SEMA5A: variants seen among roughly 807,000 people sequenced by gnomAD.
SEMA5A encodes the protein semaphorin 5A, also known as semaphorin-5A.
Under a neutral mutation model 135.5 loss-of-function variants are expected in SEMA5A, and 55 were observed. The ratio of observed to expected loss-of-function variants is 0.41; its 90% confidence interval spans 0.33 to 0.51. The LOEUF is 0.51. Ranked by LOEUF, SEMA5A falls within the 20% of genes least tolerant of loss-of-function variation. The probability of loss-of-function intolerance (pLI) is 0.37; values close to 1 mark genes in which losing one functional copy is unlikely to be tolerated. For synonymous variants in SEMA5A, 580 were observed against 546.5 expected (o/e 1.06, Z -0.85); for missense variants, 1,290 against 1,419.9 (o/e 0.91, Z 1.47).
chr5:9,233,929 A>C (rs565377256), intron 6 of SEMA5A, among the ~76,000 whole-genome samples: 1 of 152,124 alleles, frequency 6.6e-6, no homozygotes, highest in African/African-American at 2.4e-5. Context: ...AAAAAAAAAA[A>C]CAACTTCAGT....
intron 11 of SEMA5A, among the ~76,000 whole-genome samples, chr5:9,186,647 C>T (rs1032161793): frequency 1.3e-5 from 2 of 152,192 alleles, no homozygotes; most frequent in African/African-American, 4.8e-5. Flanking sequence ...AGGACTCTAG[C>T]ATGTGTGCTC....
chr5:9,299,828 G>A (rs1047789834), intron 5 of SEMA5A, among the ~76,000 whole-genome samples: 2 of 152,220 alleles, frequency 1.3e-5, no homozygotes, highest in South Asian at 4.2e-4. Context: ...CATACTTCAC[G>A]TCTCCTTCCC....
At chr5:9,235,072 A>G (rs888100403) in intron 6 of SEMA5A, among the ~76,000 whole-genome samples, 4 of 152,288 alleles carry the variant, frequency 2.6e-5, no homozygotes, top group African/African-American at 9.6e-5. Flanking sequence ...CTATTAGCAA[A>G]AGGCAACCAC....
chr5:9,049,151 A>ATTAT (rs3063993), intron 21 of SEMA5A, among the ~76,000 whole-genome samples: 105,509 of 149,186 alleles, frequency 0.71, 38,237 homozygotes, highest in East Asian at 0.87. Context: ...GAGCTCTTCT[A>ATTAT]TTATTTATTT....
intron 3 of SEMA5A, among the ~76,000 whole-genome samples, chr5:9,370,912 C>T (rs1395731206): frequency 1.3e-5 from 2 of 152,140 alleles, no homozygotes; most frequent in East Asian, 1.9e-4. Flanking sequence ...TTTTATCTAC[C>T]TTCAGTATGA....
chr5:9,245,235 A>G (rs73742614), intron 5 of SEMA5A, among the ~76,000 whole-genome samples: 10,052 of 152,166 alleles, frequency 0.066, 370 homozygotes, highest in Middle Eastern at 0.2. Context: ...GAGTATTCAC[A>G]TGTCTATGTT....
intron 1 of SEMA5A, among the ~76,000 whole-genome samples, chr5:9,451,469 A>G (rs1455508674): frequency 1.3e-5 from 2 of 152,178 alleles, no homozygotes; most frequent in Non-Finnish European, 1.5e-5. Flanking sequence ...TTATTCACTG[A>G]CAATCTCATA....
intron 4 of SEMA5A, among the ~76,000 whole-genome samples, chr5:9,319,095 T>A (rs191925212): frequency 6.6e-6 from 1 of 152,242 alleles, no homozygotes; most frequent in Admixed American, 6.5e-5. Flanking sequence ...TCCCAGCTAC[T>A]CAGGAGGCTG....
rs545857158 is a variant in SEMA5A, at chr5:9,224,418, C to A, written c.646+256G>T. 1.7e-4 allele frequency among the ~76,000 whole-genome samples: 26 copies of A among 151,468 alleles called. No individual in the cohort carries two copies. In the East Asian group the frequency reaches 4.7e-3, roughly 27 times the overall value. On this transcript the variant is annotated intron_variant, in intron 8 of 22. Coordinates refer to ENST00000382496, the MANE Select transcript of SEMA5A (RefSeq NM_003966.3). ...TAAACAACAATATAAAAAAAAACAGCAAGTTTCTATAAGTGGTCATATCAA... is the reference window on the plus strand; with the variant it reads ...TAAACAACAATATAAAAAAAAACAGAAAGTTTCTATAAGTGGTCATATCAA...
At chr5:9,170,255 G>C (rs1743844153) in intron 11 of SEMA5A, among the ~76,000 whole-genome samples, 1 of 152,140 alleles carries the variant, frequency 6.6e-6, no homozygotes, top group African/African-American at 2.4e-5. Flanking sequence ...TGCAAGAAAT[G>C]TGGAATGAAA....
intron 5 of SEMA5A, among the ~76,000 whole-genome samples, chr5:9,255,429 G>T (rs967439919): frequency 2.0e-5 from 3 of 152,180 alleles, no homozygotes; most frequent in African/African-American, 7.2e-5. Flanking sequence ...GAAACAATGT[G>T]CCCTAACACA....
chr5:9,202,727 T>G (rs372756793), intron 8 of SEMA5A, among the ~76,000 whole-genome samples: 1 of 152,218 alleles, frequency 6.6e-6, no homozygotes, highest in East Asian at 1.9e-4. Context: ...ACATAATGTA[T>G]GTGCTTTTAC....
chr5:9,391,616 T>G (rs1412915097), intron 2 of SEMA5A, among the ~76,000 whole-genome samples: 1 of 152,060 alleles, frequency 6.6e-6, no homozygotes, highest in Non-Finnish European at 1.5e-5. Context: ...CGTCACTACT[T>G]CCTCAAAAAA....
chr5:9,268,698 C>T (rs1042603773), intron 5 of SEMA5A, among the ~76,000 whole-genome samples: 6 of 152,100 alleles, frequency 3.9e-5, no homozygotes, highest in Non-Finnish European at 7.4e-5. Flanking sequence ...ATTTTCCCCG[C>T]ACTGTGGCAA....
intron 16 of SEMA5A, among the ~76,000 whole-genome samples, chr5:9,102,296 T>C (rs1449688336): frequency 2.0e-5 from 3 of 152,250 alleles, no homozygotes; most frequent in Non-Finnish European, 4.4e-5. Flanking sequence ...GAGGTTGCTA[T>C]GCTCTTGAAA....
intron 14 of SEMA5A, among the ~76,000 whole-genome samples, chr5:9,120,556 T>A (rs1366500327): frequency 6.6e-6 from 1 of 152,150 alleles, no homozygotes; most frequent in East Asian, 1.9e-4. Context: ...CTTATAAAGA[T>A]AATCAGCTAG....
intron 17 of SEMA5A, among the ~76,000 whole-genome samples, chr5:9,064,917 A>G (rs535338718): frequency 9.8e-5 from 15 of 152,358 alleles, no homozygotes; most frequent in Admixed American, 2.0e-4. Flanking sequence ...TCACAAGATC[A>G]TCCTTTATAA....
intron 3 of SEMA5A, among the ~76,000 whole-genome samples, 170 bp downstream of exon 3, chr5:9,379,653 T>C (rs1805934): frequency 2.9e-3 from 444 of 152,326 alleles, no homozygotes; most frequent in Non-Finnish European, 5.0e-3. Flanking sequence ...TTTCTGGATA[T>C]GAAATTCTAA....
intron 11 of SEMA5A, among the ~76,000 whole-genome samples, chr5:9,184,404 C>T (rs560104904): frequency 3.9e-5 from 6 of 152,190 alleles, no homozygotes; most frequent in African/African-American, 1.4e-4. Flanking sequence ...TCCTTTATTG[C>T]AGGGTAATTT....
Sources: gnomAD v4.1 joint callset for allele counts (sites outside exome capture counted in the v4.1 genomes callset) on GRCh38, gnomAD v4.1.1 for gene constraint, MANE v1.5 for transcripts, NCBI Gene and HGNC (gene_info 2026-07-23, HGNC 2026-07-21) for gene names.